SLCO2A1: variants seen among roughly 807,000 people sequenced by gnomAD.
SLCO2A1 encodes solute carrier organic anion transporter family member 2A1.
In SLCO2A1, 60 loss-of-function variants were observed where a neutral mutation model predicts 71.7. The observed-to-expected ratio is 0.84, with a 90% CI of 0.68 to 1.04. The LOEUF (loss-of-function observed/expected upper bound fraction) is 1.04. Among genes scored for constraint, SLCO2A1 ranks in the 50% least tolerant of loss-of-function variants. The pLI is 0.00. For missense variants in SLCO2A1, 745 were observed against 813.4 expected (o/e 0.92, Z 1.02); for synonymous variants, 308 against 326.7 (o/e 0.94, Z 0.62).
At chr3:133,999,908 C>T (rs1247839503) in intron 1 of SLCO2A1, among the ~76,000 whole-genome samples, 3 of 152,166 alleles carry the variant, frequency 2.0e-5, no homozygotes, top group African/African-American at 4.8e-5. Context: ...GACTTCTGAG[C>T]AGAGATAATG....
At chr3:133,935,209 A>G (rs1390706308) in intron 13 of SLCO2A1, among the ~76,000 whole-genome samples, 2 of 152,072 alleles carry the variant, frequency 1.3e-5, no homozygotes, top group Non-Finnish European at 2.9e-5. Context: ...TGCCACTCCC[A>G]TACCATTTCC....
At chr3:133,970,299 C>A (rs1009554555) in intron 3 of SLCO2A1, among the ~76,000 whole-genome samples, 2 of 152,004 alleles carry the variant, frequency 1.3e-5, no homozygotes, top group Non-Finnish European at 2.9e-5. Context: ...AACTGAAACT[C>A]AGAGCAGGGA....
At chr3:134,024,415 T>C (rs566122426) in intron 1 of SLCO2A1, among the ~76,000 whole-genome samples, 43 of 152,336 alleles carry the variant, frequency 2.8e-4, no homozygotes, top group African/African-American at 9.9e-4. Context: ...GTAGATTAGA[T>C]AAACTACATC....
chr3:134,008,768 G>C (rs753320224), intron 1 of SLCO2A1, among the ~76,000 whole-genome samples: 1 of 152,236 alleles, frequency 6.6e-6, no homozygotes, highest in Non-Finnish European at 1.5e-5. Context: ...AGAGCAGAGA[G>C]AGCAGATTCC....
intron 1 of SLCO2A1, among the ~76,000 whole-genome samples, chr3:134,026,836 T>C (rs368906609): frequency 1.3e-5 from 2 of 152,338 alleles, no homozygotes; most frequent in South Asian, 2.1e-4. Flanking sequence ...GGCAAGTAGT[T>C]GAAGACACAG....
chr3:134,021,309 G>C (rs958716147), intron 1 of SLCO2A1, among the ~76,000 whole-genome samples: 1 of 152,192 alleles, frequency 6.6e-6, no homozygotes, highest in African/African-American at 2.4e-5. Context: ...AGACTATGGA[G>C]TACTGTGACA....
At chr3:133,945,285 AATCAAAC>A in intron 9 of SLCO2A1, 25 bp from the exon 10 acceptor site, 1 of 1,589,356 alleles carries the variant, frequency 6.3e-7, no homozygotes, top group African/African-American at 1.4e-5. Context: ...GGAAACGGGG[AATCAAAC>A]AAAGCAAGAC....
At chr3:133,948,999 C>A in intron 6 of SLCO2A1, 28 bp from the exon 7 acceptor site, 1 of 1,593,024 alleles carries the variant, frequency 6.3e-7, no homozygotes, top group South Asian at 1.1e-5. Context: ...GGTGAGTGTT[C>A]ACGGCCCAGG....
intron 2 of SLCO2A1, among the ~76,000 whole-genome samples, chr3:133,977,144 C>G (rs572314031): frequency 1.3e-5 from 2 of 152,246 alleles, no homozygotes; most frequent in East Asian, 3.9e-4. Context: ...GAGTTGCACA[C>G]AAATACTCAG....
intron 1 of SLCO2A1, among the ~76,000 whole-genome samples, chr3:133,980,465 G>T (rs1028656361): frequency 1.3e-5 from 2 of 152,266 alleles, no homozygotes; most frequent in East Asian, 3.8e-4. Context: ...TCCAGGCTGA[G>T]CTCTGGGCTC....
chr3:134,003,800 G>A (rs1054288332), intron 1 of SLCO2A1, among the ~76,000 whole-genome samples: 7 of 152,208 alleles, frequency 4.6e-5, no homozygotes, highest in African/African-American at 1.4e-4. Flanking sequence ...GGAGTTTGCA[G>A]ATGTAATTAA....
chr3:133,987,314 A>T (rs1357465470), intron 1 of SLCO2A1, among the ~76,000 whole-genome samples: 1 of 151,820 alleles, frequency 6.6e-6, no homozygotes, highest in African/African-American at 2.4e-5. Context: ...CTGAAGTCTG[A>T]TAAGAAACAT....
chr3:134,022,631 C>A (rs1316947362), intron 1 of SLCO2A1, among the ~76,000 whole-genome samples: 3 of 152,126 alleles, frequency 2.0e-5, no homozygotes, highest in African/African-American at 7.2e-5. Flanking sequence ...TCTATAAAAT[C>A]TTACCTTATG....
rs536727750 is a variant in SLCO2A1, at chr3:133,979,401, C to T, written c.234+80G>A. 16 of 1,569,896 alleles carry T rather than the reference C, an allele frequency of 1.0e-5. No homozygotes were observed. The East Asian group carries it at 3.4e-4, about 33-fold the overall frequency. On this transcript the variant is annotated intron_variant, in intron 2 of 13. Transcript: ENST00000310926. The stretch of plus-strand genomic sequence containing the variant: ...TGCACCTATGTGCACATCTCAGCCC[C>T]CTGTTCCTCTGCTTCTCCTGGATCT...
At chr3:133,959,507 G>A (rs1286454670) in intron 3 of SLCO2A1, among the ~76,000 whole-genome samples, 1 of 151,988 alleles carries the variant, frequency 6.6e-6, no homozygotes, top group African/African-American at 2.4e-5. Context: ...GAAGAAGAAG[G>A]GTGGTTCCTC....
chr3:133,999,962 G>A (rs964110341), intron 1 of SLCO2A1, among the ~76,000 whole-genome samples: 18 of 152,180 alleles, frequency 1.2e-4, no homozygotes, highest in Non-Finnish European at 1.8e-4. Flanking sequence ...CAGGCTAGAG[G>A]CACGGAGGCC....
Position 133,939,923 on chromosome 3 carries a change from G to A in SLCO2A1, c.1626-1430C>T, listed in dbSNP as rs186399366. Reference sequence around the variant, plus strand: ...GTTCCCATGGCTAATTGGGGGCCAGGACTCATATAAATAATGCTTGGGTCA... The same window carrying A: ...GTTCCCATGGCTAATTGGGGGCCAGAACTCATATAAATAATGCTTGGGTCA... On this transcript the variant is annotated intron_variant, in intron 11 of 13. Transcript: ENST00000310926. Among the ~76,000 whole-genome samples, 19 of 151,134 alleles carry A rather than the reference G, an allele frequency of 1.3e-4. No homozygotes were observed. The East Asian group carries it at 3.7e-3, about 29-fold the overall frequency.
chr3:134,008,725 A>G (rs1935273380), intron 1 of SLCO2A1, among the ~76,000 whole-genome samples: 1 of 152,008 alleles, frequency 6.6e-6, no homozygotes. Flanking sequence ...GAATTCCTAC[A>G]CTCTGAGCCA....
intron 9 of SLCO2A1, among the ~76,000 whole-genome samples, chr3:133,945,781 A>G (rs1194008277): frequency 6.6e-6 from 1 of 152,174 alleles, no homozygotes; most frequent in Admixed American, 6.5e-5. Context: ...GTTCCCCGGT[A>G]TCTGATATTC....
Sources: allele counts gnomAD v4.1 joint callset (sites outside exome capture counted in the v4.1 genomes callset), GRCh38; gene constraint gnomAD v4.1.1; transcripts MANE v1.5; gene names NCBI Gene and HGNC (gene_info 2026-07-23, HGNC 2026-07-21).